The following FRMD3 variants were observed in gnomAD, a reference collection of about 807,000 sequenced individuals.
FRMD3 encodes FERM domain-containing protein 3.
In FRMD3, 33 loss-of-function variants were observed where a neutral mutation model predicts 70.2. The ratio of observed to expected loss-of-function variants is 0.47; its 90% CI spans 0.36 to 0.63. FRMD3 has a LOEUF of 0.63. FRMD3 is among the 20% of genes least tolerant of loss of function. FRMD3 has a pLI of 0.00. For missense variants in FRMD3, 632 were observed against 711.4 expected, an observed-to-expected ratio of 0.89 and a Z score of 1.27; for synonymous variants, 279 against 255.9, an observed-to-expected ratio of 1.09 and a Z score of -0.86.
At chr9:83,332,617 C>T (rs886735891) in intron 6 of FRMD3, among the ~76,000 whole-genome samples, 5 of 152,140 alleles carry the variant, frequency 3.3e-5, no homozygotes, top group African/African-American at 1.2e-4. Context: ...TGAAACCACC[C>T]CCTCCTGAGG....
intron 4 of FRMD3, among the ~76,000 whole-genome samples, chr9:83,347,684 G>A (rs141676489): frequency 4.6e-5 from 7 of 152,104 alleles, no homozygotes; most frequent in East Asian, 3.9e-4. Flanking sequence ...GAATATGATC[G>A]TAACTTCTCA....
intron 1 of FRMD3, among the ~76,000 whole-genome samples, chr9:83,459,638 G>T (rs901046891): frequency 3.3e-5 from 5 of 152,222 alleles, no homozygotes; most frequent in African/African-American, 1.2e-4. Flanking sequence ...GGCAAACGCT[G>T]CCCTGGCCTC....
intron 1 of FRMD3, among the ~76,000 whole-genome samples, chr9:83,404,818 T>C (rs1207841217): frequency 2.6e-5 from 4 of 152,230 alleles, no homozygotes; most frequent in Non-Finnish European, 5.9e-5. Context: ...GCTTTGTGCC[T>C]TTTTATTTGC....
intron 1 of FRMD3, among the ~76,000 whole-genome samples, chr9:83,505,065 CTG>C (rs958505851): frequency 2.0e-5 from 3 of 152,188 alleles, no homozygotes; most frequent in South Asian, 4.1e-4. Flanking sequence ...TGCATTTACT[CTG>C]TGCCATGTGT....
chr9:83,345,631 C>T (rs956041552), intron 4 of FRMD3, among the ~76,000 whole-genome samples: 2 of 151,998 alleles, frequency 1.3e-5, no homozygotes, highest in African/African-American at 4.8e-5. Flanking sequence ...GTGGTGGGTG[C>T]CTATAATCCC....
chr9:83,364,783 C>G (rs1301025173), intron 3 of FRMD3, among the ~76,000 whole-genome samples: 1 of 152,106 alleles, frequency 6.6e-6, no homozygotes, highest in African/African-American at 2.4e-5. Flanking sequence ...AGAATTAATC[C>G]TGTGAATTGT....
rs547447068 is a variant in FRMD3, at chr9:83,352,413, C to T, written c.296-2656G>A. Among the ~76,000 whole-genome samples, 11 of 152,320 alleles carry T rather than the reference C, an allele frequency of 7.2e-5. No individual in the cohort carries two copies. In the East Asian group the frequency reaches 1.9e-3, roughly 27 times the overall value. ...GTCGTAAGTTGGCTTCAATAAGCATCGGAGCTCCTCAGATACAAATAGTGA... is the reference window on the plus strand; with the variant it reads ...GTCGTAAGTTGGCTTCAATAAGCATTGGAGCTCCTCAGATACAAATAGTGA... On this transcript the variant is annotated intron_variant, in intron 3 of 13. Transcript: ENST00000304195.
At chr9:83,327,040 T>C (rs1836046343) in intron 6 of FRMD3, among the ~76,000 whole-genome samples, 1 of 152,180 alleles carries the variant, frequency 6.6e-6, no homozygotes, top group Admixed American at 6.5e-5. Context: ...GGACATTAAT[T>C]GTGGAATAAG....
chr9:83,554,430 T>C, the FRMD3 span, among the ~76,000 whole-genome samples: 1 of 152,200 alleles, frequency 6.6e-6, no homozygotes, highest in Admixed American at 6.5e-5. Flanking sequence ...CCAAGGGTCA[T>C]TTGCTTGACT....
intron 1 of FRMD3, among the ~76,000 whole-genome samples, chr9:83,512,774 T>G (rs368176526): frequency 2.0e-5 from 3 of 152,166 alleles, no homozygotes; most frequent in African/African-American, 7.2e-5. Flanking sequence ...ATCTTACACT[T>G]CCGGTGTCTT....
chr9:83,335,664 GAC>G (rs1564021917), intron 5 of FRMD3, 25 bp from the exon 6 acceptor site: 1 of 1,602,306 alleles, frequency 6.2e-7, no homozygotes, highest in Non-Finnish European at 8.5e-7. Flanking sequence ...AAAATAAAGA[GAC>G]AGAGAAAGAT....
intron 1 of FRMD3, among the ~76,000 whole-genome samples, chr9:83,475,537 A>G (rs1326173146): frequency 1.3e-5 from 2 of 152,218 alleles, no homozygotes; most frequent in Non-Finnish European, 1.5e-5. Context: ...TATTGAGTAC[A>G]TGAAGCAGGC....
chr9:83,392,310 C>T (rs187603217), intron 1 of FRMD3, among the ~76,000 whole-genome samples: 17 of 152,204 alleles, frequency 1.1e-4, no homozygotes, highest in African/African-American at 3.4e-4. Context: ...CCACATTCTT[C>T]GCCTGGAAAT....
intron 1 of FRMD3, among the ~76,000 whole-genome samples, chr9:83,528,701 AT>A (rs920332984): frequency 6.6e-6 from 1 of 151,776 alleles, no homozygotes; most frequent in African/African-American, 2.4e-5. Flanking sequence ...TAATTTTTGT[AT>A]TTTTTTGTAA....
chr9:83,284,436 C>T (rs113212124), intron 13 of FRMD3, among the ~76,000 whole-genome samples: 4 of 152,234 alleles, frequency 2.6e-5, no homozygotes, highest in Admixed American at 1.3e-4. Flanking sequence ...GGTGAAACCC[C>T]GTCTCTACCA....
chr9:83,331,092 T>C (rs1339424805), intron 6 of FRMD3, among the ~76,000 whole-genome samples: 1 of 152,232 alleles, frequency 6.6e-6, no homozygotes, highest in Non-Finnish European at 1.5e-5. Flanking sequence ...AGAGCAATCA[T>C]GGTGTTTGGT....
At position 83,357,268 on chromosome 9, in the gene FRMD3, T is replaced by TGGA. The variant is rs1564032797; in HGVS notation, c.296-7512_296-7511insTCC. ...ATACATATATATATATATATATATA[T>TGGA]ATATATATATATATATATATATATA... On this transcript the variant is annotated intron_variant, in intron 3 of 13. Coordinates refer to ENST00000304195, the MANE Select transcript of FRMD3 (RefSeq NM_174938.6). Among the ~76,000 whole-genome samples the TGGA allele has an allele frequency of 1.1e-3, 76 of 67,210 alleles. 10 individuals carry two copies. Among genetic ancestry groups the TGGA allele is most frequent in the African/African-American group, 6.4e-3 (74 of 11,484 alleles). The allele number at this position is 67,210 out of a possible 152,430, so 44.1% of individuals were successfully genotyped here.
chr9:83,494,866 C>T (rs34465096), intron 1 of FRMD3, among the ~76,000 whole-genome samples: 72,759 of 148,174 alleles, frequency 0.49, 18,083 homozygotes, highest in Middle Eastern at 0.53. Flanking sequence ...TGTGCGCGCG[C>T]GCATGTGCGT....
chr9:83,507,439 G>A (rs1383682443), intron 1 of FRMD3, among the ~76,000 whole-genome samples: 7 of 149,610 alleles, frequency 4.7e-5, no homozygotes, highest in Non-Finnish European at 8.9e-5. Context: ...AGGCCGAGGC[G>A]GGTGGATCAC....
Sources: gnomAD v4.1 joint callset for allele counts (sites outside exome capture counted in the v4.1 genomes callset) on GRCh38, gnomAD v4.1.1 for gene constraint, MANE v1.5 for transcripts, NCBI Gene and HGNC (gene_info 2026-07-23, HGNC 2026-07-21) for gene names.